Variants in ZDHHC3 observed in about 807,000 individuals in gnomAD.
ZDHHC3 encodes the protein zDHHC palmitoyltransferase 3.
A neutral mutation model predicts 30.6 loss-of-function variants in ZDHHC3; 9 were observed. The observed-to-expected ratio is 0.29, with a 90% CI of 0.18 to 0.51. ZDHHC3 has a LOEUF of 0.51. Among genes scored for constraint, ZDHHC3 ranks in the 20% least tolerant of loss-of-function variants. ZDHHC3 has a pLI of 0.97. For missense variants in ZDHHC3, 246 were observed against 384.2 expected (o/e 0.64, Z 3.01); for synonymous variants, 136 against 140.2 (o/e 0.97, Z 0.21).
intron 1 of ZDHHC3, 128 bp downstream of exon 1, chr3:44,975,805 C>CACAT: frequency 6.1e-6 from 1 of 162,800 alleles, no homozygotes; most frequent in Non-Finnish European, 1.3e-5. Context: ...CACACACACA[C>CACAT]GCTCCTAAGT....
At chr3:44,948,446 T>C (rs910057117) in intron 2 of ZDHHC3, among the ~76,000 whole-genome samples, 17 of 151,980 alleles carry the variant, frequency 1.1e-4, no homozygotes, top group African/African-American at 3.9e-4. Context: ...CTAAGAAAAC[T>C]GCAGAGACAA....
In ZDHHC3 at chr3:44,915,430, T is replaced by C. The variant is rs1700095356; in HGVS notation, c.*11259A>G. 1 of 152,054 alleles carries C rather than the reference T, an allele frequency of 6.6e-6. No individual in the cohort carries two copies. Among genetic ancestry groups the C allele is most frequent in the African/African-American group, 2.4e-5 (1 of 41,342 alleles). 9.4% of individuals were successfully genotyped at this position (152,054 alleles called of 1,614,324 possible). A position where few individuals can be genotyped will look rare whatever the true frequency, so the allele number is the denominator to read the frequency against. ...CACAGAGAGACCACTGTGTTGCTGG[T>C]GTGGGGAGGCGAGGCTCAGGGTTGG... On this transcript the variant is annotated 3_prime_UTR_variant, in exon 7 of 7. Coordinates refer to ENST00000424952, the MANE Select transcript of ZDHHC3 (RefSeq NM_001135179.2).
intron 4 of ZDHHC3, 110 bp from the exon 5 acceptor site, chr3:44,933,309 C>A (rs1701662384): frequency 5.2e-6 from 5 of 965,364 alleles, no homozygotes; most frequent in Non-Finnish European, 8.2e-6. Context: ...TTAGTCAGGA[C>A]AAGGCCTGAC....
At position 44,926,006 on chromosome 3, in the gene ZDHHC3, T is replaced by A; in HGVS notation, c.*683A>T. On this transcript the variant is annotated 3_prime_UTR_variant, in exon 7 of 7. Transcript: ENST00000424952. ...CTCTTCCAAATAATCACAGGGAATA[T>A]AATTGCTGATTCAGAATACAAATAA... is the stretch of plus-strand genomic sequence containing the variant. 1.0e-6 allele frequency: 1 copy of A among 985,868 alleles called. No individual in the cohort carries two copies. Among genetic ancestry groups the A allele is most frequent in the Non-Finnish European group, 1.2e-6 (1 of 829,948 alleles). 61.1% of individuals were successfully genotyped at this position (985,868 alleles called of 1,614,324 possible).
rs897083132 is a variant in ZDHHC3, at chr3:44,917,124, G to C, written c.*9565C>G. On this transcript the variant is annotated 3_prime_UTR_variant, in exon 7 of 7. Coordinates refer to ENST00000424952, the MANE Select transcript of ZDHHC3 (RefSeq NM_001135179.2). Reference sequence around the variant, plus strand: ...TGAATGGCTAGATATGTAGCCACAGGCAGGACAGCTCCCAGCTGTCTCGCT... The same window carrying C: ...TGAATGGCTAGATATGTAGCCACAGCCAGGACAGCTCCCAGCTGTCTCGCT... 3 of 152,262 alleles carry C rather than the reference G, an allele frequency of 2.0e-5. No homozygotes were observed. The highest frequency in any genetic ancestry group is 2.9e-5 in the Non-Finnish European group (2 of 68,130). The allele number at this position is 152,262 out of a possible 1,614,324, so 9.4% of individuals were successfully genotyped here. A position where few individuals can be genotyped will look rare whatever the true frequency, so the allele number is the denominator to read the frequency against.
rs577386171 is a variant in ZDHHC3, at chr3:44,921,541, A to G, written c.*5148T>C. The G allele has an allele frequency of 3.0e-6, 3 of 985,472 alleles. No homozygotes were observed. The highest frequency in any genetic ancestry group is 4.7e-5 in the South Asian group (1 of 21,290). The allele number at this position is 985,472 out of a possible 1,614,324, so 61.0% of individuals were successfully genotyped here. ...GCATTAAACATTTTTCTTGAAAAAC[A>G]TGCTGGTTGCAAACCATGAATGGCT... is the stretch of plus-strand genomic sequence containing the variant. On this transcript the variant is annotated 3_prime_UTR_variant, in exon 7 of 7. Transcript: ENST00000424952.
At chr3:44,933,381 G>A in intron 4 of ZDHHC3, 182 bp from the exon 5 acceptor site, 2 of 621,694 alleles carry the variant, frequency 3.2e-6, no homozygotes, top group Non-Finnish European at 5.7e-6. Context: ...CCAGCCCTGG[G>A]TCAAGTGAGC....
Position 44,925,071 on chromosome 3 carries a change from A to G in ZDHHC3, c.*1618T>C, listed in dbSNP as rs375813243. The G allele has an allele frequency of 4.7e-5, 46 of 985,922 alleles. No individual in the cohort carries two copies. In the African/African-American group the frequency reaches 7.5e-4, roughly 16 times the overall value. The allele number at this position is 985,922 out of a possible 1,614,324, so 61.1% of individuals were successfully genotyped here. A position where few individuals can be genotyped will look rare whatever the true frequency, so the allele number is the denominator to read the frequency against. ...TAAAGTATCCTCATTCAAGAGACAG[A>G]GCAATGAAACAAACACCCAACCAGA... On this transcript the variant is annotated 3_prime_UTR_variant, in exon 7 of 7. Coordinates refer to ENST00000424952, the MANE Select transcript of ZDHHC3 (RefSeq NM_001135179.2).
chr3:44,920,944 T>C lies in ZDHHC3; in HGVS notation c.*5745A>G. On this transcript the variant is annotated 3_prime_UTR_variant, in exon 7 of 7. Transcript: ENST00000424952. ...TAAAAATGGGCTGAGGGCTGCTTTT[T>C]CCTGGTAGGACTCAATTTTGAGTTT... The C allele has an allele frequency of 6.1e-6, 6 of 985,466 alleles. No homozygotes were observed. Among genetic ancestry groups the C allele is most frequent in the Non-Finnish European group, 6.0e-6 (5 of 829,940 alleles). 61.0% of individuals were successfully genotyped at this position (985,466 alleles called of 1,614,324 possible).
At chr3:44,973,673 G>A (rs1193946348) in intron 1 of ZDHHC3, among the ~76,000 whole-genome samples, 2 of 152,114 alleles carry the variant, frequency 1.3e-5, no homozygotes. Flanking sequence ...GGTCAGGCTG[G>A]TCTCAAACTC....
chr3:44,928,436 G>C (rs148160195), intron 6 of ZDHHC3, among the ~76,000 whole-genome samples: 1 of 152,270 alleles, frequency 6.6e-6, no homozygotes, highest in East Asian at 1.9e-4. Flanking sequence ...CCTTCACCCA[G>C]AGCCCTAGAC....
At chr3:44,933,518 G>C (rs1701681587) in intron 4 of ZDHHC3, 1 of 538,114 alleles carries the variant, frequency 1.9e-6, no homozygotes, top group African/African-American at 1.9e-5. Flanking sequence ...CCCTTGAAAA[G>C]CCAGGGTGCT....
At chr3:44,963,921 G>A (rs553895268) in intron 1 of ZDHHC3, among the ~76,000 whole-genome samples, 1 of 152,344 alleles carries the variant, frequency 6.6e-6, no homozygotes, top group African/African-American at 2.4e-5. Context: ...GCAAGGAGCT[G>A]TGCAGGGGGC....
intron 2 of ZDHHC3, among the ~76,000 whole-genome samples, chr3:44,951,267 G>A (rs1345665224): frequency 2.0e-5 from 3 of 152,150 alleles, no homozygotes; most frequent in East Asian, 3.9e-4. Context: ...AGCTGTTAAA[G>A]CTTTTCTGCT....
In ZDHHC3 at chr3:44,921,960, G is replaced by A. The variant is rs1372652417; in HGVS notation, c.*4729C>T. The stretch of plus-strand genomic sequence containing the variant: ...GCGCTTGTCCTCACTCCTTGGATCA[G>A]CTTCATCGGCTCCTCCTGTGGGCCC... On this transcript the variant is annotated 3_prime_UTR_variant, in exon 7 of 7. Coordinates refer to ENST00000424952, the MANE Select transcript of ZDHHC3 (RefSeq NM_001135179.2). The A allele has an allele frequency of 1.0e-6, 1 of 985,438 alleles. No individual in the cohort carries two copies. Among genetic ancestry groups the A allele is most frequent in the East Asian group, 1.1e-4 (1 of 8,812 alleles). 61.0% of individuals were successfully genotyped at this position (985,438 alleles called of 1,614,324 possible).
At chr3:44,975,770 TCTCACA>T (rs1279761854) in intron 1 of ZDHHC3, among the ~76,000 whole-genome samples, 157 bp downstream of exon 1, 90 of 111,542 alleles carry the variant, frequency 8.1e-4, no homozygotes, top group African/African-American at 2.7e-3. Flanking sequence ...TCTCTCTCTC[TCTCACA>T]CACACACACA....
rs1265550903 is a variant in ZDHHC3 at position 44,976,163 on chromosome 3, G to A, written c.-255C>T. 2 of 918,338 alleles carry A rather than the reference G, an allele frequency of 2.2e-6. No homozygotes were observed. Among genetic ancestry groups the A allele is most frequent in the Non-Finnish European group, 2.9e-6 (2 of 687,154 alleles). 56.9% of individuals were successfully genotyped at this position (918,338 alleles called of 1,614,324 possible). Reference sequence around the variant, plus strand: ...GGCGGCCGCGGCTGCAGGAGCGGCCGCCGCGCAGGTTGATGACGCGCTGAC... The same window carrying A: ...GGCGGCCGCGGCTGCAGGAGCGGCCACCGCGCAGGTTGATGACGCGCTGAC... On this transcript the variant is annotated 5_prime_UTR_variant, in exon 1 of 7. Coordinates refer to ENST00000424952, the MANE Select transcript of ZDHHC3 (RefSeq NM_001135179.2).
chr3:44,926,465 A>G lies in ZDHHC3; in HGVS notation c.*224T>C. The G allele has an allele frequency of 7.9e-7, 1 of 1,272,442 alleles. No homozygotes were observed. The highest frequency in any genetic ancestry group is 9.9e-7 in the Non-Finnish European group (1 of 1,012,246). The allele number at this position is 1,272,442 out of a possible 1,614,324, so 78.8% of individuals were successfully genotyped here. ...AGAGAAGTGATTTTAAAAGGAAAAG[A>G]GAGCAGCTTCGGTCACCAAAAGAAA... On this transcript the variant is annotated 3_prime_UTR_variant, in exon 7 of 7. Transcript: ENST00000424952.
At position 44,919,665 on chromosome 3, in the gene ZDHHC3, C is replaced by G. The variant is rs560272067; in HGVS notation, c.*7024G>C. 2.6e-5 allele frequency among the ~76,000 whole-genome samples: 4 copies of G among 152,270 alleles called. No homozygotes were observed. Among genetic ancestry groups the G allele is most frequent in the South Asian group, 4.2e-4 (2 of 4,818 alleles). The stretch of plus-strand genomic sequence containing the variant: ...ACAGAAAAGGGTGTTAATGGGACAA[C>G]TGGAGAAATGTGAATAAGGTACATA... On this transcript the variant is annotated 3_prime_UTR_variant, in exon 7 of 7. Coordinates refer to ENST00000424952, the MANE Select transcript of ZDHHC3 (RefSeq NM_001135179.2).
Sources: gnomAD v4.1 joint callset for allele counts (sites outside exome capture counted in the v4.1 genomes callset) on GRCh38, gnomAD v4.1.1 for gene constraint, MANE v1.5 for transcripts, NCBI Gene and HGNC (gene_info 2026-07-23, HGNC 2026-07-21) for gene names.